N4BP2: variants seen among roughly 807,000 people sequenced by gnomAD.
N4BP2 encodes the protein NEDD4-binding protein 2.
N4BP2 carries 91 observed loss-of-function variants against 152.8 expected under a neutral mutation model. The ratio of observed to expected loss-of-function variants is 0.60; its 90% confidence interval spans 0.50 to 0.71. The LOEUF is 0.71. Among genes scored for constraint, N4BP2 ranks in the 30% least tolerant of loss-of-function variants. N4BP2 has a pLI of 0.00. For synonymous variants in N4BP2, 646 were observed against 705.3 expected, an observed-to-expected ratio of 0.92 and a Z score of 1.33; for missense variants, 1,923 against 2,059.1, an observed-to-expected ratio of 0.93 and a Z score of 1.28.
At chr4:40,114,877 A>G (rs564839318) in intron 7 of N4BP2, among the ~76,000 whole-genome samples, 19 of 152,184 alleles carry the variant, frequency 1.2e-4, no homozygotes, top group Non-Finnish European at 2.1e-4. Context: ...TAAGACTATT[A>G]AAGCAATTAT....
chr4:40,183,329 C>T, the N4BP2 span, among the ~76,000 whole-genome samples: 1 of 146,910 alleles, frequency 6.8e-6, no homozygotes, highest in African/African-American at 2.5e-5. Context: ...GGCTAAACTA[C>T]TTTTTACATT....
chr4:40,107,024 G>C lies in N4BP2; in HGVS notation c.1498G>C (p.Ala500Pro), dbSNP rs1716368357. 6.2e-7 allele frequency: 1 copy of C among 1,612,174 alleles called. No individual in the cohort carries two copies. Among genetic ancestry groups the C allele is most frequent in the South Asian group, 1.1e-5 (1 of 90,556 alleles). ...AGCACATGAATGGAACCAGAATCGT[G>C]GTAAGAACAGATAATCAGATTCTGG... is the stretch of plus-strand genomic sequence containing the variant. ...GEAHEWNQNR[A>P]KEAFEKKISP... Residue 500 changes from alanine (A) to proline (P), a missense_variant and splice_region_variant, in exon 5 of 18, where the codon GCA becomes CCA. Physicochemically the swap from Ala to Pro is conservative, Grantham distance 27. Coordinates refer to ENST00000261435, the MANE Select transcript of N4BP2 (RefSeq NM_018177.6).
chr4:40,113,646 A>G (rs1357642801), intron 7 of N4BP2, 138 bp downstream of exon 7: 1 of 688,136 alleles, frequency 1.5e-6, no homozygotes, highest in Non-Finnish European at 2.6e-6. Context: ...CTTTTTGTCC[A>G]GTTTTATGAA....
the N4BP2 span, chr4:40,166,711 A>C: frequency 6.6e-6 from 1 of 152,018 alleles, no homozygotes; most frequent in African/African-American, 2.4e-5. Context: ...AACAAACAAA[A>C]AGATAATTAA....
At chr4:40,137,876 T>C (rs532992006) in intron 14 of N4BP2, among the ~76,000 whole-genome samples, 1 of 152,354 alleles carries the variant, frequency 6.6e-6, no homozygotes, top group Non-Finnish European at 1.5e-5. Flanking sequence ...GGTTGTCTGA[T>C]ACTCGGGGGC....
chr4:40,142,685 A>G lies in N4BP2; in HGVS notation c.4798A>G (p.Lys1600Glu), dbSNP rs866683535. 4 of 1,605,886 alleles carry G rather than the reference A, an allele frequency of 2.5e-6. No individual in the cohort carries two copies. The highest frequency in any genetic ancestry group is 1.7e-4 in the Middle Eastern group (1 of 6,024). Residue 1600 changes from lysine to glutamate, a missense_variant, in exon 15 of 18, where the codon AAA becomes GAA. Lys to Glu is a moderately conservative substitution (Grantham distance 56, BLOSUM62 1). Transcript: ENST00000261435. ...TAATATCTTATAGCCAAAGAAATTA[A>G]AAGAGACTGAAGAAACACCAAGTGA... Reference protein sequence around the residue: ...KSKEKKPKKLKETEETPSELS... With the variant: ...KSKEKKPKKLEETEETPSELS...
intron 14 of N4BP2, chr4:40,142,187 C>G (rs1720073904): frequency 4.9e-6 from 1 of 205,008 alleles, no homozygotes; most frequent in Non-Finnish European, 1.0e-5. Context: ...TTGGTAACTT[C>G]ACTTCAGCCT....
intron 6 of N4BP2, among the ~76,000 whole-genome samples, chr4:40,112,656 A>T (rs1716992772): frequency 6.7e-6 from 1 of 150,254 alleles, no homozygotes; most frequent in African/African-American, 2.4e-5. Flanking sequence ...CCTTTACCTG[A>T]CCTATACCTA....
At chr4:40,109,508 A>G (rs1392894621) in intron 5 of N4BP2, among the ~76,000 whole-genome samples, 1 of 152,010 alleles carries the variant, frequency 6.6e-6, no homozygotes, top group Admixed American at 6.6e-5. Context: ...ACCTGAGGTC[A>G]GGAGTTTGAG....
intron 2 of N4BP2, among the ~76,000 whole-genome samples, chr4:40,087,129 C>G (rs957933306): frequency 6.6e-6 from 1 of 152,004 alleles, no homozygotes; most frequent in African/African-American, 2.4e-5. Context: ...CTATTGGGTT[C>G]AATGTTCTAT....
Position 40,121,061 on chromosome 4 carries a change from C to G in N4BP2, c.2950C>G (p.Pro984Ala). The change falls in exon 9 of 18, where the codon CCA (proline) becomes GCA (alanine). Residue 984 changes from proline to alanine, a missense_variant. Transcript: ENST00000261435. ...GCCTCTTACTTTTACCAATAGTGCA[C>G]CAACTGTTTCTGGAGTAGTAGAACC... is the stretch of plus-strand genomic sequence containing the variant. ...SLPLTFTNSA[P>A]TVSGVVEPQT... 6.2e-7 allele frequency: 1 copy of G among 1,614,030 alleles called. No homozygotes were observed.
chr4:40,095,630 A>G (rs1271529345), intron 2 of N4BP2, among the ~76,000 whole-genome samples: 4 of 152,218 alleles, frequency 2.6e-5, no homozygotes, highest in African/African-American at 9.6e-5. Flanking sequence ...ATAACACAAT[A>G]GAAGATGATA....
the N4BP2 span, among the ~76,000 whole-genome samples, chr4:40,168,589 A>G: frequency 3.5e-5 from 2 of 56,744 alleles, no homozygotes; most frequent in East Asian, 4.5e-3. Flanking sequence ...AAATTTATGG[A>G]TTTTACACCT....
intron 1 of N4BP2, among the ~76,000 whole-genome samples, chr4:40,059,638 C>T (rs1211473716): frequency 6.6e-6 from 1 of 151,034 alleles, no homozygotes; most frequent in Non-Finnish European, 1.5e-5. Flanking sequence ...ACATGAGCCA[C>T]CCCGCCTGGC....
rs1717505245 is a variant in N4BP2 at position 40,117,951 on chromosome 4, A to T, written c.1747A>T (p.Met583Leu). The change falls in exon 8 of 18, where the codon ATG becomes TTG. Residue 583 changes from methionine (M) to leucine (L), a missense_variant. Coordinates refer to ENST00000261435, the MANE Select transcript of N4BP2 (RefSeq NM_018177.6). ...YQRFVSVPII[M>L]SSSVPEKIER... ...ACGTTTTGTTTCAGTGCCAATAATT[A>T]TGAGTTCTTCGGTTCCAGAGAAAAT... is the stretch of plus-strand genomic sequence containing the variant. The T allele has an allele frequency of 6.2e-7, 1 of 1,612,892 alleles. No individual in the cohort carries two copies. The highest frequency in any genetic ancestry group is 8.5e-7 in the Non-Finnish European group (1 of 1,179,450).
chr4:40,067,696 T>A (rs1054453890), intron 1 of N4BP2, among the ~76,000 whole-genome samples: 2 of 152,070 alleles, frequency 1.3e-5, no homozygotes, highest in Non-Finnish European at 2.9e-5. Flanking sequence ...AACATTTTTA[T>A]TTTTTATTTT....
intron 12 of N4BP2, among the ~76,000 whole-genome samples, chr4:40,127,976 A>G (rs541089911): frequency 6.6e-6 from 1 of 152,348 alleles, no homozygotes; most frequent in East Asian, 1.9e-4. Flanking sequence ...AAAATATTTT[A>G]GAGAAAAATT....
At chr4:40,148,425 T>G (rs958369993) in intron 16 of N4BP2, among the ~76,000 whole-genome samples, 1 of 142,228 alleles carries the variant, frequency 7.0e-6, no homozygotes, top group Non-Finnish European at 1.5e-5. Context: ...CGGCTCGGCA[T>G]CAGAGGGAGA....
intron 12 of N4BP2, among the ~76,000 whole-genome samples, chr4:40,127,654 A>C (rs1718533723): frequency 6.6e-6 from 1 of 151,242 alleles, no homozygotes; most frequent in Admixed American, 6.6e-5. Flanking sequence ...TCTATCTCTG[A>C]GAAAATATAT....
Sources: gnomAD v4.1 joint callset for allele counts (sites outside exome capture counted in the v4.1 genomes callset) on GRCh38, gnomAD v4.1.1 for gene constraint, MANE v1.5 for transcripts, NCBI Gene and HGNC (gene_info 2026-07-23, HGNC 2026-07-21) for gene names.